NIM1K: variants seen among roughly 807,000 people sequenced by gnomAD.
NIM1K encodes the protein NIM1 serine/threonine protein kinase.
A neutral mutation model predicts 37.1 loss-of-function variants in NIM1K; 35 were observed. That is an observed-to-expected ratio of 0.94 (90% confidence interval 0.72 to 1.25). The LOEUF (loss-of-function observed/expected upper bound fraction) is 1.25, where lower values mean the gene tolerates loss of function less well. Among genes scored for constraint, NIM1K ranks in the 50% most tolerant of loss-of-function variants. NIM1K has a pLI of 0.00. For missense variants in NIM1K, 564 were observed against 548.0 expected (o/e 1.03, Z -0.29); for synonymous variants, 234 against 206.6 (o/e 1.13, Z -1.14).
chr5:43,262,927 A>G (rs1471519250), intron 2 of NIM1K, among the ~76,000 whole-genome samples: 3 of 152,176 alleles, frequency 2.0e-5, no homozygotes. Context: ...TGATTTGCGT[A>G]TGTTGAATGA....
At chr5:43,194,291 T>C (rs1751879438) in intron 1 of NIM1K, among the ~76,000 whole-genome samples, 1 of 152,210 alleles carries the variant, frequency 6.6e-6, no homozygotes, top group Admixed American at 6.5e-5. Flanking sequence ...GGGAAAAAGC[T>C]GAATCCAACT....
At chr5:43,254,706 G>C (rs1275292064) in intron 2 of NIM1K, among the ~76,000 whole-genome samples, 1 of 152,186 alleles carries the variant, frequency 6.6e-6, no homozygotes, top group Non-Finnish European at 1.5e-5. Context: ...CTGTAGCAGA[G>C]CTTCATAAAG....
chr5:43,235,815 C>G (rs917520025), intron 1 of NIM1K, among the ~76,000 whole-genome samples: 11 of 151,298 alleles, frequency 7.3e-5, no homozygotes, highest in African/African-American at 2.7e-4. Flanking sequence ...ATGTATTTGA[C>G]TACGGACCTA....
At chr5:43,264,717 G>A (rs916361829) in intron 2 of NIM1K, among the ~76,000 whole-genome samples, 3 of 152,158 alleles carry the variant, frequency 2.0e-5, no homozygotes, top group African/African-American at 4.8e-5. Context: ...CCCTAGCATC[G>A]ATGGTCTTTA....
chr5:43,209,955 T>A (rs193214416), intron 1 of NIM1K, among the ~76,000 whole-genome samples: 255 of 152,250 alleles, frequency 1.7e-3, no homozygotes, highest in African/African-American at 5.7e-3. Flanking sequence ...TCAAATCAAT[T>A]CAGCCAGTGG....
In NIM1K at chr5:43,245,871, G is replaced by C. The variant is rs745593482; in HGVS notation, c.96G>C (p.Glu32Asp). Residue 32 changes from glutamate to aspartate, a missense_variant, in exon 2 of 4, where the codon GAG (glutamate) becomes GAC (aspartate). Coordinates refer to ENST00000326035, the MANE Select transcript of NIM1K (RefSeq NM_153361.4). The part of the protein sequence containing the change: ...RDSVESGCQT[E>D]SSKEGEEGQP... ...GTGTAGAAAGTGGCTGTCAGACCGA[G>C]AGTAGCAAGGAGGGTGAGGAGGGAC... The C allele has an allele frequency of 5.6e-6, 9 of 1,614,022 alleles. No individual in the cohort carries two copies. The highest frequency in any genetic ancestry group is 7.6e-6 in the Non-Finnish European group (9 of 1,180,012).
chr5:43,266,274 T>A (rs1008950194), intron 2 of NIM1K, among the ~76,000 whole-genome samples: 2 of 152,192 alleles, frequency 1.3e-5, no homozygotes, highest in African/African-American at 4.8e-5. Context: ...TCCACCCAGT[T>A]TGAGCTTCCC....
intron 2 of NIM1K, among the ~76,000 whole-genome samples, chr5:43,260,359 C>T (rs1483735452): frequency 2.6e-5 from 4 of 152,150 alleles, no homozygotes; most frequent in Admixed American, 6.6e-5. Context: ...TGTTGGCTTT[C>T]GGTTTGTGAT....
At chr5:43,208,851 G>A (rs1445914401) in intron 1 of NIM1K, among the ~76,000 whole-genome samples, 1 of 152,218 alleles carries the variant, frequency 6.6e-6, no homozygotes, top group Admixed American at 6.5e-5. Flanking sequence ...TGACCTTTTA[G>A]TATTCTAGAG....
rs149362577 is a variant in NIM1K at position 43,270,438 on chromosome 5, G to C, written c.293-6619G>C. On this transcript the variant is annotated intron_variant, in intron 2 of 3. Transcript: ENST00000326035. ...AATGAAGGAAGAGAGATTCCAGTAG[G>C]TTGGAAGACATGGTGGGAAGGACTT... Among the ~76,000 whole-genome samples the C allele has an allele frequency of 4.6e-4, 70 of 152,276 alleles. No individual in the cohort carries two copies. In the South Asian group the frequency reaches 7.3e-3, roughly 16 times the overall value.
chr5:43,227,066 A>G (rs1270975060), intron 1 of NIM1K, among the ~76,000 whole-genome samples: 1 of 152,184 alleles, frequency 6.6e-6, no homozygotes, highest in Non-Finnish European at 1.5e-5. Flanking sequence ...GGAGGATTTT[A>G]AAAGAATTGG....
chr5:43,235,712 C>T (rs994909847), intron 1 of NIM1K, among the ~76,000 whole-genome samples: 2 of 152,198 alleles, frequency 1.3e-5, no homozygotes, highest in African/African-American at 4.8e-5. Flanking sequence ...CTGAATTAAA[C>T]AGACATTTGT....
At chr5:43,272,515 G>A (rs1000940432) in intron 2 of NIM1K, among the ~76,000 whole-genome samples, 1 of 151,210 alleles carries the variant, frequency 6.6e-6, no homozygotes, top group African/African-American at 2.5e-5. Flanking sequence ...TCTCTAGGGA[G>A]CCCTTGCAGG....
chr5:43,249,881 C>T (rs1463669142), intron 2 of NIM1K, among the ~76,000 whole-genome samples: 1 of 115,056 alleles, frequency 8.7e-6, no homozygotes, highest in African/African-American at 3.3e-5. Context: ...GAGATGGAGT[C>T]TCGCTCTGTT....
chr5:43,215,955 A>T (rs931966954), intron 1 of NIM1K, among the ~76,000 whole-genome samples: 3 of 152,078 alleles, frequency 2.0e-5, no homozygotes, highest in African/African-American at 7.2e-5. Flanking sequence ...TACATAATTT[A>T]TGGTTTTCCT....
chr5:43,232,467 A>G, intron 1 of NIM1K: 1 of 1,496,614 alleles, frequency 6.7e-7, no homozygotes, highest in Non-Finnish European at 9.3e-7. Flanking sequence ...GTGATGGAGG[A>G]CACAATTTGA....
intron 1 of NIM1K, among the ~76,000 whole-genome samples, chr5:43,222,713 G>A (rs1397192296): frequency 2.0e-5 from 3 of 151,536 alleles, no homozygotes; most frequent in South Asian, 2.1e-4. Flanking sequence ...CAACCTGGGC[G>A]ACAGAGTGAG....
chr5:43,271,866 G>A (rs781745180), intron 2 of NIM1K, among the ~76,000 whole-genome samples: 6 of 152,040 alleles, frequency 3.9e-5, no homozygotes, highest in Non-Finnish European at 8.8e-5. Flanking sequence ...CCACTAATCC[G>A]TTCTCCATTT....
At chr5:43,233,635 G>C (rs1752574840) in intron 1 of NIM1K, among the ~76,000 whole-genome samples, 2 of 152,180 alleles carry the variant, frequency 1.3e-5, no homozygotes, top group Non-Finnish European at 2.9e-5. Context: ...CACCCACTAA[G>C]GGCATCCCTC....
Sources: allele counts gnomAD v4.1 joint callset (sites outside exome capture counted in the v4.1 genomes callset), GRCh38; gene constraint gnomAD v4.1.1; transcripts MANE v1.5; gene names NCBI Gene and HGNC (gene_info 2026-07-23, HGNC 2026-07-21).